Variants in FANCD2 observed in about 807,000 individuals in gnomAD.
FANCD2 encodes FA complementation group D2.
A neutral mutation model predicts 192.3 loss-of-function variants in FANCD2; 131 were observed. That is an observed-to-expected ratio of 0.68 (90% CI 0.59 to 0.79). The LOEUF (loss-of-function observed/expected upper bound fraction) is 0.79, where lower values mean the gene tolerates loss of function less well. Among genes scored for constraint, FANCD2 ranks in the 30% least tolerant of loss-of-function variants. The pLI is 0.00. For synonymous variants in FANCD2, 524 were observed against 612.5 expected (o/e 0.86, Z 2.13); for missense variants, 1,508 against 1,701.6 (o/e 0.89, Z 2.00).
At chr3:10,046,492 T>A (rs1238786729) in intron 14 of FANCD2, 88 bp from the exon 15 acceptor site, 2 of 1,575,062 alleles carry the variant, frequency 1.3e-6, no homozygotes, top group African/African-American at 1.4e-5. Flanking sequence ...ATTCTGTGTT[T>A]TAATTAGAGG....
intron 32 of FANCD2, among the ~76,000 whole-genome samples, chr3:10,083,195 C>A (rs1275523490): frequency 6.6e-6 from 1 of 151,806 alleles, no homozygotes; most frequent in Non-Finnish European, 1.5e-5. Flanking sequence ...ACACTGCACT[C>A]CAACCTGGGC....
At position 10,098,757 on chromosome 3, in the gene FANCD2, C is replaced by T. The variant is rs768989374; in HGVS notation, c.4223C>T (p.Thr1408Ile). 1.2e-5 allele frequency: 19 copies of T among 1,614,146 alleles called. No individual in the cohort carries two copies. The highest frequency in any genetic ancestry group is 1.7e-5 in the Admixed American group (1 of 60,024). Reference protein sequence around the residue: ...EIKSQNSQESTADESEDDMSS... With the variant: ...EIKSQNSQESIADESEDDMSS... ...AAGTCCCAAAATTCCCAGGAGAGCA[C>T]AGCAGATGAGAGTGAGGATGACATG... Residue 1408 changes from threonine (T) to isoleucine (I), a missense_variant, in exon 43 of 44, where the codon ACA becomes ATA. Around this residue, in one of 5 missense-constraint regions of FANCD2, gnomAD observed 796 missense variants for 879.4 expected, o/e 0.91. Transcript: ENST00000675286.
At chr3:10,045,309 C>G (rs1452061524) in intron 14 of FANCD2, among the ~76,000 whole-genome samples, 1 of 152,014 alleles carries the variant, frequency 6.6e-6, no homozygotes, top group South Asian at 2.1e-4. Flanking sequence ...GCTGGGACTA[C>G]AGGCACCTGC....
intron 14 of FANCD2, among the ~76,000 whole-genome samples, chr3:10,046,088 C>G (rs1194158920): frequency 7.0e-5 from 9 of 128,334 alleles, no homozygotes; most frequent in Non-Finnish European, 1.1e-4. Flanking sequence ...GAATCTCGCT[C>G]TCTCACCCAG....
At position 10,062,164 on chromosome 3, in the gene FANCD2, A is replaced by G. The variant is rs770971003; in HGVS notation, c.1780A>G (p.Ser594Gly). 5 of 1,611,868 alleles carry G rather than the reference A, an allele frequency of 3.1e-6. No homozygotes were observed. In the African/African-American group the frequency reaches 6.7e-5, roughly 22 times the overall value. ...CTTTGTTTTTAGAAGTGAATCACCTAGTTTGACCCAAGAGAGAGCCAACCT... is the reference window on the plus strand; with the variant it reads ...CTTTGTTTTTAGAAGTGAATCACCTGGTTTGACCCAAGAGAGAGCCAACCT... Reference protein sequence around the residue: ...IMAADRSESPSLTQERANLSD... With the variant: ...IMAADRSESPGLTQERANLSD... The change falls in exon 20 of 44, where the codon AGT becomes GGT. Residue 594 changes from serine to glycine, a missense_variant. Coordinates refer to ENST00000675286, the MANE Select transcript of FANCD2 (RefSeq NM_001018115.3).
At chr3:10,094,515 A>T (rs1311508100) in intron 40 of FANCD2, 152 bp downstream of exon 40, 1 of 755,156 alleles carries the variant, frequency 1.3e-6, no homozygotes, top group Non-Finnish European at 2.4e-6. Flanking sequence ...TGGACTGAAT[A>T]TTCCAAAGTA....
chr3:10,055,760 C>T (rs1368735509), intron 18 of FANCD2, among the ~76,000 whole-genome samples: 2 of 151,342 alleles, frequency 1.3e-5, no homozygotes, highest in Non-Finnish European at 2.9e-5. Flanking sequence ...TGCAGTGAGC[C>T]GAGATCGCAT....
chr3:10,077,034 G>T (rs1693576953), intron 29 of FANCD2, among the ~76,000 whole-genome samples: 1 of 151,964 alleles, frequency 6.6e-6, no homozygotes, highest in Non-Finnish European at 1.5e-5. Flanking sequence ...TTTGAGACCA[G>T]CCTGGGTAAC....
chr3:10,044,454 G>A (rs2086945956), intron 14 of FANCD2, among the ~76,000 whole-genome samples: 3 of 151,822 alleles, frequency 2.0e-5, no homozygotes, highest in African/African-American at 7.3e-5. Flanking sequence ...GATCATCTGA[G>A]GTCAGGAGTT....
chr3:10,078,764 G>C (rs1693669220), intron 30 of FANCD2, among the ~76,000 whole-genome samples: 1 of 151,916 alleles, frequency 6.6e-6, no homozygotes, highest in Non-Finnish European at 1.5e-5. Flanking sequence ...AGGAGTTCAA[G>C]ACCAGCCTGG....
At position 10,081,035 on chromosome 3, in the gene FANCD2, C is replaced by G. The variant is rs56224827; in HGVS notation, c.2977-65C>G. Reference sequence around the variant, plus strand: ...ACACAGGTTTGACTTGACTCCATTGCGAACCCTTAGTTTCTGAGACGCTAT... The same window carrying G: ...ACACAGGTTTGACTTGACTCCATTGGGAACCCTTAGTTTCTGAGACGCTAT... On this transcript the variant is annotated intron_variant, in intron 30 of 43. Transcript: ENST00000675286. 2.5e-6 allele frequency: 4 copies of G among 1,597,870 alleles called. No homozygotes were observed. The African/African-American group carries it at 4.0e-5, about 16-fold the overall frequency.
At chr3:10,089,994 C>T (rs1405646679) in intron 36 of FANCD2, among the ~76,000 whole-genome samples, 5 of 152,200 alleles carry the variant, frequency 3.3e-5, no homozygotes, top group Non-Finnish European at 5.9e-5. Flanking sequence ...CAAGCTTACA[C>T]GTGCAATAAA....
chr3:10,036,381 A>G, intron 7 of FANCD2, 42 bp downstream of exon 7: 1 of 1,415,880 alleles, frequency 7.1e-7, no homozygotes, highest in Non-Finnish European at 1.0e-6. Flanking sequence ...ACCCTGATGT[A>G]CTTAAGTTCT....
In FANCD2 at chr3:10,087,197, T is replaced by G; in HGVS notation, c.3399T>G (p.Tyr1133Ter). 6.2e-7 allele frequency: 1 copy of G among 1,613,894 alleles called. No individual in the cohort carries two copies. The highest frequency in any genetic ancestry group is 8.5e-7 in the Non-Finnish European group (1 of 1,179,930). ...QSIPSFQCAL[Y>*]LIRLLMVILE... ...TTCCCAGTTTCCAGTGTGCTCTTTA[T>G]CTCATCAGACTTTTGATGGTTATTT... is the stretch of plus-strand genomic sequence containing the variant. The change falls in exon 34 of 44, where the codon TAT (tyrosine) becomes TAG (stop). Residue 1133 changes from tyrosine (Y) to a stop codon, truncating the protein, a stop_gained. Coordinates refer to ENST00000675286, the MANE Select transcript of FANCD2 (RefSeq NM_001018115.3). LOFTEE classifies it high-confidence loss of function.
At chr3:10,034,442 T>C in intron 3 of FANCD2, 27 bp from the exon 4 acceptor site, 1 of 1,575,332 alleles carries the variant, frequency 6.3e-7, no homozygotes, top group South Asian at 1.1e-5. Context: ...AGGAAACTGG[T>C]GACCAGCTCT....
chr3:10,086,727 C>G (rs1694229203), intron 33 of FANCD2, among the ~76,000 whole-genome samples: 1 of 152,216 alleles, frequency 6.6e-6, no homozygotes, highest in African/African-American at 2.4e-5. Context: ...ATCTGCCTGT[C>G]TCAGCCTAGC....
At position 10,075,728 on chromosome 3, in the gene FANCD2, C is replaced by CTTTTTT. The variant is rs71052292; in HGVS notation, c.2859+1070_2859+1075dup. Among the ~76,000 whole-genome samples, 29 of 106,632 alleles carry CTTTTTT rather than the reference C, an allele frequency of 2.7e-4. 1 individual carries two copies. The highest frequency in any genetic ancestry group is 9.3e-4 in the African/African-American group (25 of 26,790). 70.0% of individuals were successfully genotyped at this position (106,632 alleles called of 152,430 possible). A position where few individuals can be genotyped will look rare whatever the true frequency, so the allele number is the denominator to read the frequency against. On this transcript the variant is annotated intron_variant, in intron 29 of 43. Transcript: ENST00000675286. ...GTACCTTCAGAACAGAAATAGTATC[C>CTTTTTT]TTTTTTTTTTTTTTTTTTTTGAGAT...
chr3:10,068,775 ATGGTGC>A (rs2087788960), intron 26 of FANCD2, among the ~76,000 whole-genome samples: 1 of 152,238 alleles, frequency 6.6e-6, no homozygotes, highest in Non-Finnish European at 1.5e-5. Context: ...CCAAAACAGC[ATGGTGC>A]TGGCACAAAA....
intron 18 of FANCD2, among the ~76,000 whole-genome samples, chr3:10,055,563 A>G (rs984927948): frequency 2.6e-5 from 4 of 152,202 alleles, no homozygotes; most frequent in Admixed American, 6.5e-5. Flanking sequence ...CTGTAATCCC[A>G]GCACTTTGGG....
Sources: gnomAD v4.1 joint callset for allele counts (sites outside exome capture counted in the v4.1 genomes callset) on GRCh38, gnomAD v4.1.1 for gene constraint, gnomAD v4.1.1 regional missense constraint, MANE v1.5 for transcripts, NCBI Gene and HGNC (gene_info 2026-07-23, HGNC 2026-07-21) for gene names.